The following PARP6 variants were observed in gnomAD, a reference collection of about 807,000 sequenced individuals.
PARP6 encodes protein mono-ADP-ribosyltransferase PARP6.
In PARP6, 27 loss-of-function variants were observed where a neutral mutation model predicts 92.0. The ratio of observed to expected loss-of-function variants is 0.29; its 90% CI spans 0.22 to 0.40. The LOEUF is 0.40. Ranked by LOEUF, PARP6 falls within the 10% of genes least tolerant of loss-of-function variation. The pLI, the probability that PARP6 is intolerant of heterozygous loss-of-function variation, is 1.00. For missense variants in PARP6, 501 were observed against 784.5 expected, an observed-to-expected ratio of 0.64 and a Z score of 4.32; for synonymous variants, 272 against 281.2, an observed-to-expected ratio of 0.97 and a Z score of 0.33.
At chr15:72,259,526 T>C in intron 11 of PARP6, 82 bp downstream of exon 11, 1 of 1,060,686 alleles carries the variant, frequency 9.4e-7, no homozygotes, top group Non-Finnish European at 1.5e-6. Flanking sequence ...AAGTATTTGA[T>C]TGAGGAGCTG....
At chr15:72,270,322 T>A (rs562259917) in intron 2 of PARP6, among the ~76,000 whole-genome samples, 1 of 152,324 alleles carries the variant, frequency 6.6e-6, no homozygotes, top group South Asian at 2.1e-4. Context: ...TAGCAAAATG[T>A]TGATTACTGG....
intron 12 of PARP6, 32 bp from the exon 13 acceptor site, chr15:72,257,472 G>C (rs749679293): frequency 6.5e-7 from 1 of 1,548,610 alleles, no homozygotes; most frequent in East Asian, 2.2e-5. Flanking sequence ...ATGGTGGTGG[G>C]ATGGGGTGTG....
At position 72,241,490 on chromosome 15, in the gene PARP6, T is replaced by C. The variant is rs777292618; in HGVS notation, c.1858A>G (p.Met620Val). 17 of 1,614,160 alleles carry C rather than the reference T, an allele frequency of 1.1e-5. No individual in the cohort carries two copies. The highest frequency in any genetic ancestry group is 1.4e-5 in the Non-Finnish European group (17 of 1,179,992). Residue 620 changes from methionine (M) to valine (V), a missense_variant, in exon 24 of 24, where the codon ATG becomes GTG. Met to Val is a conservative substitution (Grantham distance 21). Around this residue, in one of 4 missense-constraint regions of PARP6, gnomAD observed 17 missense variants for 16.5 expected, o/e 1.03. Coordinates refer to ENST00000569795, the MANE Select transcript of PARP6 (RefSeq NM_001323532.2). The surrounding 1 kb of genome is among the most constrained non-coding windows in gnomAD (Gnocchi z 4.1). ...TAAACCTGAGTTCCGATCACACGCA[T>C]GATTTCCTTCTGTATCTTGGGGTCC... ...TQDPKIQKEI[M>V]RVIGTQVYTN
chr15:72,264,548 T>C lies in PARP6; in HGVS notation c.395+7A>G, dbSNP rs551132558. On this transcript the variant is annotated splice_region_variant and intron_variant, in intron 8 of 23. Transcript: ENST00000569795. Reference sequence around the variant, plus strand: ...TGTCCATGACCAGAAAAGACCAAAGTTCTTACTTTTTCAACTGAAGACCCA... The same window carrying C: ...TGTCCATGACCAGAAAAGACCAAAGCTCTTACTTTTTCAACTGAAGACCCA... 1 of 1,610,728 alleles carries C rather than the reference T, an allele frequency of 6.2e-7. No homozygotes were observed. The highest frequency in any genetic ancestry group is 1.1e-5 in the South Asian group (1 of 90,958).
Position 72,242,359 on chromosome 15 carries a change from A to T in PARP6, c.1642-139T>A. The T allele has an allele frequency of 1.4e-6, 1 of 697,182 alleles. No homozygotes were observed. Among genetic ancestry groups the T allele is most frequent in the East Asian group, 2.7e-5 (1 of 37,330 alleles). 43.2% of individuals were successfully genotyped at this position (697,182 alleles called of 1,614,324 possible). ...AGCAACACCCCTCGCCGCCCAGAAA[A>T]TTCTTCTTTCCCATAATCAGTCTGG... On this transcript the variant is annotated intron_variant, in intron 21 of 23. Coordinates refer to ENST00000569795, the MANE Select transcript of PARP6 (RefSeq NM_001323532.2). This position sits in a 1 kb window ranked among gnomAD's most constrained non-coding sequence, Gnocchi z 4.3.
At chr15:72,267,261 A>G (rs1051094233) in intron 3 of PARP6, 9 of 603,986 alleles carry the variant, frequency 1.5e-5, no homozygotes, top group African/African-American at 1.1e-4. Flanking sequence ...TATCCTTTAA[A>G]GTACTTAACT....
Position 72,260,477 on chromosome 15 carries a change from C to T in PARP6, c.756+1G>A, listed in dbSNP as rs1350978991. ...AGTCAAACCCTCCCCAGCCCATGTA[C>T]CAAAGGAGAGGTCCGTGCTGGGGGA... On this transcript the variant is annotated splice_donor_variant, in intron 10 of 23. Coordinates refer to ENST00000569795, the MANE Select transcript of PARP6 (RefSeq NM_001323532.2). LOFTEE classifies it high-confidence loss of function. The T allele has an allele frequency of 6.2e-7, 1 of 1,612,322 alleles. No homozygotes were observed.
intron 20 of PARP6, 69 bp downstream of exon 20, chr15:72,249,176 G>T: frequency 1.2e-6 from 1 of 858,076 alleles, no homozygotes; most frequent in Non-Finnish European, 2.0e-6. Flanking sequence ...GGAACAGACA[G>T]CACAAATCAT....
Position 72,242,947 on chromosome 15 carries a change from C to A in PARP6, c.1562-248G>T. 2.1e-6 allele frequency: 1 copy of A among 465,154 alleles called. No individual in the cohort carries two copies. The highest frequency in any genetic ancestry group is 3.8e-6 in the Non-Finnish European group (1 of 263,924). 28.8% of individuals were successfully genotyped at this position (465,154 alleles called of 1,614,324 possible). A position where few individuals can be genotyped will look rare whatever the true frequency, so the allele number is the denominator to read the frequency against. ...CCTAGAGGAGGGCAACTAGCCTAGC[C>A]TAAGAGTTTAAAGAAGTCATGTGGT... On this transcript the variant is annotated intron_variant, in intron 20 of 23. Coordinates refer to ENST00000569795, the MANE Select transcript of PARP6 (RefSeq NM_001323532.2). The surrounding 1 kb of genome is among the most constrained non-coding windows in gnomAD (Gnocchi z 4.3).
At chr15:72,267,237 C>T (rs948494406) in intron 3 of PARP6, 15 of 584,614 alleles carry the variant, frequency 2.6e-5, no homozygotes, top group Non-Finnish European at 4.6e-5. Context: ...TCTCTTGTCT[C>T]ATTATTTTCT....
chr15:72,264,977 G>A, intron 7 of PARP6, 104 bp downstream of exon 7: 1 of 732,882 alleles, frequency 1.4e-6, no homozygotes, highest in Non-Finnish European at 2.4e-6. Flanking sequence ...CCTGCAGATT[G>A]AGCCCAAGGA....
chr15:72,261,734 G>C, intron 8 of PARP6, 27 bp from the exon 9 acceptor site: 1 of 1,610,086 alleles, frequency 6.2e-7, no homozygotes, highest in Non-Finnish European at 8.5e-7. Flanking sequence ...AATGAGCTTA[G>C]GCAAGATGAG....
At chr15:72,252,651 G>A (rs1163670286) in intron 16 of PARP6, among the ~76,000 whole-genome samples, 1 of 151,918 alleles carries the variant, frequency 6.6e-6, no homozygotes, top group Non-Finnish European at 1.5e-5. Context: ...ATGCCCAGCT[G>A]ATTTTGTATT....
chr15:72,260,461 C>A lies in PARP6; in HGVS notation c.756+17G>T. 6.2e-7 allele frequency: 1 copy of A among 1,603,252 alleles called. No individual in the cohort carries two copies. Among genetic ancestry groups the A allele is most frequent in the South Asian group, 1.1e-5 (1 of 90,822 alleles). ...ACCCTCCTGATAGCCAAGTCAAACC[C>A]TCCCCAGCCCATGTACCAAAGGAGA... On this transcript the variant is annotated intron_variant, in intron 10 of 23. Transcript: ENST00000569795.
At chr15:72,269,363 G>A (rs552353783) in intron 2 of PARP6, among the ~76,000 whole-genome samples, 6 of 152,048 alleles carry the variant, frequency 3.9e-5, no homozygotes, top group African/African-American at 1.4e-4. Context: ...GTTTCACCAG[G>A]TTGGCCAGGC....
intron 8 of PARP6, among the ~76,000 whole-genome samples, chr15:72,263,509 T>C (rs1245987576): frequency 6.6e-6 from 1 of 152,186 alleles, no homozygotes; most frequent in Non-Finnish European, 1.5e-5. Context: ...CCCTTCAATG[T>C]TCACACTGCC....
intron 12 of PARP6, 52 bp downstream of exon 12, chr15:72,257,985 G>A: frequency 2.5e-6 from 3 of 1,196,940 alleles, no homozygotes; most frequent in East Asian, 2.3e-5. Flanking sequence ...ATAAAGGAGA[G>A]GAGTGAAGGG....
chr15:72,264,540 G>T lies in PARP6; in HGVS notation c.395+15C>A. 3 of 1,606,510 alleles carry T rather than the reference G, an allele frequency of 1.9e-6. No homozygotes were observed. The highest frequency in any genetic ancestry group is 1.1e-5 in the South Asian group (1 of 90,818). Reference sequence around the variant, plus strand: ...CCTTCACATGTCCATGACCAGAAAAGACCAAAGTTCTTACTTTTTCAACTG... The same window carrying T: ...CCTTCACATGTCCATGACCAGAAAATACCAAAGTTCTTACTTTTTCAACTG... On this transcript the variant is annotated intron_variant, in intron 8 of 23. Coordinates refer to ENST00000569795, the MANE Select transcript of PARP6 (RefSeq NM_001323532.2).
rs1439428064 is a variant in PARP6, at chr15:72,266,739, C to A, written c.81+6G>T. 6 of 1,609,708 alleles carry A rather than the reference C, an allele frequency of 3.7e-6. No individual in the cohort carries two copies. Among genetic ancestry groups the A allele is most frequent in the Non-Finnish European group, 4.3e-6 (5 of 1,176,120 alleles). ...AACACGGGGGTCTTGGGAGATGTAA[C>A]CTCACCTGAACGCCATAGAGAAATT... On this transcript the variant is annotated splice_donor_region_variant and intron_variant, in intron 4 of 23. Transcript: ENST00000569795.
Sources: allele counts gnomAD v4.1 joint callset (sites outside exome capture counted in the v4.1 genomes callset), GRCh38; gene constraint gnomAD v4.1.1; regional missense constraint gnomAD v4.1.1; non-coding constraint Gnocchi (gnomAD v3.1); transcripts MANE v1.5; gene names NCBI Gene and HGNC (gene_info 2026-07-23, HGNC 2026-07-21).